SEMA4A: variants seen among roughly 807,000 people sequenced by gnomAD.
SEMA4A encodes semaphorin-4A.
In SEMA4A, 52 loss-of-function variants were observed where a neutral mutation model predicts 72.5. That is an observed-to-expected ratio of 0.72 (90% CI 0.57 to 0.90). The LOEUF is 0.90. Among genes scored for constraint, SEMA4A ranks in the 40% least tolerant of loss-of-function variants. The pLI is 0.00. For missense variants in SEMA4A, 926 were observed against 959.7 expected (o/e 0.96, Z 0.46); for synonymous variants, 369 against 393.1 (o/e 0.94, Z 0.73).
At chr1:156,160,092 G>A (rs1033138479) in intron 6 of SEMA4A, among the ~76,000 whole-genome samples, 14 of 152,026 alleles carry the variant, frequency 9.2e-5, no homozygotes, top group African/African-American at 3.4e-4. Flanking sequence ...GGAGAGAAGG[G>A]TAGGACCCAA....
chr1:156,169,096 G>A (rs1003805109), intron 10 of SEMA4A, among the ~76,000 whole-genome samples: 14 of 152,172 alleles, frequency 9.2e-5, no homozygotes, highest in African/African-American at 2.4e-4. Flanking sequence ...CAGCTCTGTG[G>A]AGTTTGGAGA....
chr1:156,171,923 A>G (rs888025239), intron 10 of SEMA4A, among the ~76,000 whole-genome samples: 6 of 149,912 alleles, frequency 4.0e-5, no homozygotes, highest in African/African-American at 7.4e-5. Context: ...AGCTGGGACT[A>G]CAGGTGCCTG....
intron 8 of SEMA4A, 33 bp from the exon 9 acceptor site, chr1:156,161,313 C>CCCCCCG: frequency 1.7e-5 from 13 of 757,756 alleles, no homozygotes; most frequent in East Asian, 8.5e-5. Flanking sequence ...TCGGGGCGCC[C>CCCCCCG]GGGGCGCCCC....
rs753669776 is a variant in SEMA4A at position 156,160,982 on chromosome 1, G to A, written c.763G>A (p.Asp255Asn). 3 of 1,612,352 alleles carry A rather than the reference G, an allele frequency of 1.9e-6. No individual in the cohort carries two copies. The East Asian group carries it at 6.7e-5, about 36-fold the overall frequency. The change falls in exon 8 of 15, where the codon GAC (aspartate) becomes AAC (asparagine). Residue 255 changes from aspartate to asparagine, a missense_variant. Coordinates refer to ENST00000368285, the MANE Select transcript of SEMA4A (RefSeq NM_022367.4). ...FFFEETASEF[D>N]FFERLHTSRV... Reference sequence around the variant, plus strand: ...CTTCGAGGAGACAGCCAGCGAGTTTGACTTCTTTGAGAGGCTCCACACATC... The same window carrying A: ...CTTCGAGGAGACAGCCAGCGAGTTTAACTTCTTTGAGAGGCTCCACACATC...
intron 6 of SEMA4A, among the ~76,000 whole-genome samples, chr1:156,159,504 C>G (rs918818240): frequency 2.0e-5 from 3 of 151,950 alleles, no homozygotes; most frequent in African/African-American, 7.3e-5. Context: ...CACGAGGGCC[C>G]GGGAAGGGTA....
In SEMA4A at chr1:156,176,803, G is replaced by T; in HGVS notation, c.2092G>T (p.Ala698Ser). Residue 698 changes from alanine to serine, a missense_variant, in exon 15 of 15, where the codon GCC becomes TCC. Ala to Ser is a moderately conservative substitution (Grantham distance 99, BLOSUM62 1). Transcript: ENST00000368285. ...TVLFALVLSG[A>S]LIILVASPLR... is the part of the protein sequence containing the mutation. Reference sequence around the variant, plus strand: ...CCTCTTTGCCTTAGTGCTTTCAGGAGCCCTCATCATCCTCGTGGCCTCCCC... The same window carrying T: ...CCTCTTTGCCTTAGTGCTTTCAGGATCCCTCATCATCCTCGTGGCCTCCCC... 6.2e-7 allele frequency: 1 copy of T among 1,613,894 alleles called. No homozygotes were observed. Among genetic ancestry groups the T allele is most frequent in the Non-Finnish European group, 8.5e-7 (1 of 1,179,762 alleles).
In SEMA4A at chr1:156,176,719, G is replaced by A; in HGVS notation, c.2008G>A (p.Gly670Ser). ...GAAGGTCCCGTTGACCAGGGTCAGT[G>A]GTGGGGCCGCCCTGGCTGCCCAGCA... ...HVKVPLTRVSGGAALAAQQSY... is the reference protein window; with the variant it reads ...HVKVPLTRVSSGAALAAQQSY... The change falls in exon 15 of 15, where the codon GGT becomes AGT. Residue 670 changes from glycine to serine, a missense_variant. Gly to Ser is a moderately conservative substitution (Grantham distance 56). Coordinates refer to ENST00000368285, the MANE Select transcript of SEMA4A (RefSeq NM_022367.4). 6.2e-7 allele frequency: 1 copy of A among 1,613,660 alleles called. No individual in the cohort carries two copies. The highest frequency in any genetic ancestry group is 8.5e-7 in the Non-Finnish European group (1 of 1,179,594).
Position 156,175,591 on chromosome 1 carries a change from C to T in SEMA4A, c.1628C>T (p.Pro543Leu), listed in dbSNP as rs1655246801. Reference sequence around the variant, plus strand: ...AAGCAGGACATGGAGCGGGGGAACCCAGAGTGGGCATGTGCCAGTGGCCCC... The same window carrying T: ...AAGCAGGACATGGAGCGGGGGAACCTAGAGTGGGCATGTGCCAGTGGCCCC... The part of the protein sequence containing the change: ...SWKQDMERGN[P>L]EWACASGPMS... The change falls in exon 14 of 15, where the codon CCA becomes CTA. Residue 543 changes from proline (P) to leucine (L), a missense_variant. Transcript: ENST00000368285. The T allele has an allele frequency of 6.2e-7, 1 of 1,613,554 alleles. No individual in the cohort carries two copies. Among genetic ancestry groups the T allele is most frequent in the Admixed American group, 1.7e-5 (1 of 59,954 alleles).
rs1653635849 is a variant in SEMA4A at position 156,161,351 on chromosome 1, C to T, written c.816C>T (p.Asp272=). 1 of 1,610,698 alleles carries T rather than the reference C, an allele frequency of 6.2e-7. No individual in the cohort carries two copies. The highest frequency in any genetic ancestry group is 8.5e-7 in the Non-Finnish European group (1 of 1,178,872). Reference sequence around the variant, plus strand: ...GACTCCCCCTGTGCCCCCAGAATGACGTGGGCGGCGAAAAGCTGCTGCAGA... The same window carrying T: ...GACTCCCCCTGTGCCCCCAGAATGATGTGGGCGGCGAAAAGCTGCTGCAGA... ...TSRVARVCKN[D]VGGEKLLQKK... Residue 272 remains aspartate (D), a synonymous_variant, in exon 9 of 15, where the codon GAC becomes GAT. Coordinates refer to ENST00000368285, the MANE Select transcript of SEMA4A (RefSeq NM_022367.4).
chr1:156,153,236 G>A (rs1384838667), upstream of SEMA4A: 1 of 152,150 alleles, frequency 6.6e-6, no homozygotes, highest in Non-Finnish European at 1.5e-5. Flanking sequence ...TTAGACCACT[G>A]CAGGGACTTC....
At chr1:156,168,453 A>C (rs1265293328) in intron 10 of SEMA4A, among the ~76,000 whole-genome samples, 1 of 150,710 alleles carries the variant, frequency 6.6e-6, no homozygotes, top group Non-Finnish European at 1.5e-5. Flanking sequence ...CGAACTCCTG[A>C]CCTCAGGCAA....
At chr1:156,175,059 C>T in intron 12 of SEMA4A, 27 bp from the exon 13 acceptor site, 1 of 1,614,182 alleles carries the variant, frequency 6.2e-7, no homozygotes, top group Non-Finnish European at 8.5e-7. Flanking sequence ...GGCTGGGGCT[C>T]CCTGACAATC....
chr1:156,148,801 CTTTT>C (rs371528689), upstream of SEMA4A, among the ~76,000 whole-genome samples: 1 of 128,730 alleles, frequency 7.8e-6, no homozygotes, highest in Non-Finnish European at 1.7e-5. Context: ...TTTCTTTTTT[CTTTT>C]TTTTTTTTTT....
intron 12 of SEMA4A, 51 bp downstream of exon 12, chr1:156,174,991 G>A: frequency 6.2e-7 from 1 of 1,614,166 alleles, no homozygotes; most frequent in Non-Finnish European, 8.5e-7. Flanking sequence ...CTGGCCTTGG[G>A]GGCCTGTTGG....
At chr1:156,149,692 TG>T (rs1652384598), upstream of SEMA4A, 2 of 152,170 alleles carry the variant, frequency 1.3e-5, no homozygotes, top group Non-Finnish European at 2.9e-5. Context: ...CCAGAGGAAC[TG>T]GTTGTAAAGA....
At chr1:156,174,993 G>T in intron 12 of SEMA4A, 53 bp downstream of exon 12, 2 of 1,614,196 alleles carry the variant, frequency 1.2e-6, no homozygotes, top group Non-Finnish European at 1.7e-6. Flanking sequence ...GGCCTTGGGG[G>T]CCTGTTGGGC....
In SEMA4A at chr1:156,172,965, G is replaced by T. The variant is rs758015698; in HGVS notation, c.1274G>T (p.Gly425Val). 3 of 1,614,104 alleles carry T rather than the reference G, an allele frequency of 1.9e-6. No homozygotes were observed. The Admixed American group carries it at 5.0e-5, about 27-fold the overall frequency. Residue 425 changes from glycine (G) to valine (V), a missense_variant, in exon 11 of 15, where the codon GGC (glycine) becomes GTC (valine). Physicochemically the swap from Gly to Val is moderately radical, Grantham distance 109 (BLOSUM62 -3). Transcript: ENST00000368285. ...CGGCTTGCAGTGGAGACAGCCCAGG[G>T]CCTTGATGGGCACAGCCATCTTGTC... ...YTRLAVETAQ[G>V]LDGHSHLVMY...
chr1:156,162,960 A>G lies in SEMA4A; in HGVS notation c.1000A>G (p.Arg334Gly). Residue 334 changes from arginine (R) to glycine (G), a missense_variant, in exon 10 of 15, where the codon AGG becomes GGG. Coordinates refer to ENST00000368285, the MANE Select transcript of SEMA4A (RefSeq NM_022367.4). ...TGTCTCCAGGCAGGTTGGCGGGACC[A>G]GGAGCTCTGCGGTTTGTGCCTTCTC... The part of the protein sequence containing the change: ...FTSQWQVGGT[R>G]SSAVCAFSLL... 1 of 1,613,854 alleles carries G rather than the reference A, an allele frequency of 6.2e-7. No individual in the cohort carries two copies. Among genetic ancestry groups the G allele is most frequent in the Non-Finnish European group, 8.5e-7 (1 of 1,180,044 alleles).
upstream of SEMA4A, among the ~76,000 whole-genome samples, chr1:156,152,671 G>C (rs1652639778): frequency 6.6e-6 from 1 of 152,166 alleles, no homozygotes; most frequent in Non-Finnish European, 1.5e-5. Flanking sequence ...GAGTACCTCA[G>C]ATGAGGAATT....
Sources: allele counts gnomAD v4.1 joint callset (sites outside exome capture counted in the v4.1 genomes callset), GRCh38; gene constraint gnomAD v4.1.1; transcripts MANE v1.5; gene names NCBI Gene and HGNC (gene_info 2026-07-23, HGNC 2026-07-21).